Variants in PROK2 observed in about 807,000 individuals in gnomAD.
PROK2 encodes the protein prokineticin 2.
A neutral mutation model predicts 14.2 loss-of-function variants in PROK2; 8 were observed. That is an observed-to-expected ratio of 0.56 (90% CI 0.33 to 1.02). PROK2 has a LOEUF of 1.02. PROK2 is among the 50% of genes least tolerant of loss of function. The pLI, the probability that PROK2 is intolerant of heterozygous loss-of-function variation, is 0.03. For synonymous variants in PROK2, 59 were observed against 60.7 expected, an observed-to-expected ratio of 0.97 and a Z score of 0.13; for missense variants, 154 against 160.4, an observed-to-expected ratio of 0.96 and a Z score of 0.22.
chr3:71,778,425 C>T (rs921290704), intron 2 of PROK2, among the ~76,000 whole-genome samples: 2 of 151,930 alleles, frequency 1.3e-5, no homozygotes, highest in Non-Finnish European at 2.9e-5. Flanking sequence ...GTAAACTGTA[C>T]AAGTTAATTG....
At chr3:71,783,790 C>A (rs7635127) in intron 1 of PROK2, among the ~76,000 whole-genome samples, 2,196 of 152,242 alleles carry the variant, frequency 0.014, 51 homozygotes, top group African/African-American at 0.05. Context: ...CAAAGCTATG[C>A]AAGTAATTTT....
chr3:71,775,972 G>A (rs1025543838), intron 2 of PROK2, among the ~76,000 whole-genome samples: 4 of 152,122 alleles, frequency 2.6e-5, no homozygotes, highest in Admixed American at 6.5e-5. Flanking sequence ...GCTCCGAGCA[G>A]GCAAAACGTA....
chr3:71,774,006 T>C (rs2050100049), intron 3 of PROK2, among the ~76,000 whole-genome samples: 1 of 152,182 alleles, frequency 6.6e-6, no homozygotes, highest in Non-Finnish European at 1.5e-5. Context: ...GGAGCGTCTG[T>C]GAAATCAGAT....
At chr3:71,772,893 C>G in intron 3 of PROK2, 65 bp from the exon 4 acceptor site, 1 of 1,343,284 alleles carries the variant, frequency 7.4e-7, no homozygotes, top group Non-Finnish European at 1.1e-6. Context: ...CCAAATCATT[C>G]TTGAGATAGC....
At position 71,784,994 on chromosome 3, in the gene PROK2, A is replaced by G; in HGVS notation, c.59T>C (p.Leu20Pro). ...LLLLLLPPLL[L>P]TPRAGDAAVI... The stretch of plus-strand genomic sequence containing the variant: ...GGCGGCGTCCCCAGCGCGGGGCGTG[A>G]GCAGCAGCGGCGGCAGCAGCAAGAG... Residue 20 changes from leucine (L) to proline (P), a missense_variant, in exon 1 of 4, where the codon CTC (leucine) becomes CCC (proline). Leu to Pro is a moderately conservative substitution (Grantham distance 98). Coordinates refer to ENST00000295619, the MANE Select transcript of PROK2 (RefSeq NM_001126128.2). 1 of 1,249,350 alleles carries G rather than the reference A, an allele frequency of 8.0e-7. No individual in the cohort carries two copies. The highest frequency in any genetic ancestry group is 1.0e-6 in the Non-Finnish European group (1 of 994,412). The allele number at this position is 1,249,350 out of a possible 1,614,324, so 77.4% of individuals were successfully genotyped here. A position where few individuals can be genotyped will look rare whatever the true frequency, so the allele number is the denominator to read the frequency against.
At chr3:71,772,947 C>A in intron 3 of PROK2, 119 bp from the exon 4 acceptor site, 1 of 798,472 alleles carries the variant, frequency 1.3e-6, no homozygotes, top group South Asian at 1.5e-5. Context: ...GTTAACTACC[C>A]ATTAGGCAAT....
At chr3:71,781,340 T>C in intron 2 of PROK2, 127 bp downstream of exon 2, 1 of 1,250,284 alleles carries the variant, frequency 8.0e-7, no homozygotes, top group South Asian at 1.2e-5. Context: ...TTTTACACTG[T>C]TATCCTTGCT....
intron 2 of PROK2, 127 bp from the exon 3 acceptor site, chr3:71,774,634 T>C: frequency 1.5e-6 from 2 of 1,293,216 alleles, no homozygotes; most frequent in Non-Finnish European, 2.1e-6. Context: ...CCAGTTCCTC[T>C]GTCCTTTTGC....
intron 2 of PROK2, among the ~76,000 whole-genome samples, chr3:71,775,572 T>C (rs1400539247): frequency 6.6e-6 from 1 of 152,224 alleles, no homozygotes; most frequent in Non-Finnish European, 1.5e-5. Flanking sequence ...AGGCATCATG[T>C]ATGAATGTCA....
At chr3:71,784,626 A>C (rs138563900) in intron 1 of PROK2, among the ~76,000 whole-genome samples, 1 of 152,348 alleles carries the variant, frequency 6.6e-6, no homozygotes, top group Non-Finnish European at 1.5e-5. Flanking sequence ...GAAGACTCAG[A>C]GAGAAACTTC....
intron 1 of PROK2, among the ~76,000 whole-genome samples, chr3:71,783,599 T>C (rs2050187159): frequency 6.6e-6 from 1 of 152,222 alleles, no homozygotes; most frequent in African/African-American, 2.4e-5. Context: ...TCTATTCAGA[T>C]AGTGTTGTCC....
intron 1 of PROK2, 75 bp downstream of exon 1, chr3:71,784,882 G>A (rs2050199633): frequency 8.6e-7 from 1 of 1,167,968 alleles, no homozygotes; most frequent in Admixed American, 4.3e-5. Flanking sequence ...CTGCCCTTCA[G>A]GGTCCCCGTC....
chr3:71,775,014 A>G (rs968338060), intron 2 of PROK2, among the ~76,000 whole-genome samples: 1 of 152,158 alleles, frequency 6.6e-6, no homozygotes, highest in East Asian at 1.9e-4. Flanking sequence ...ATTTGTCACA[A>G]CTAAGGGCAG....
In PROK2 at chr3:71,781,462, C is replaced by T; in HGVS notation, c.222+5G>A. ...CACCATGAATACAAATATATATATA[C>T]TAACTTTACGAGTCAGTGGATGGCA... On this transcript the variant is annotated splice_donor_5th_base_variant and intron_variant, in intron 2 of 3. Transcript: ENST00000295619. 1 of 1,613,950 alleles carries T rather than the reference C, an allele frequency of 6.2e-7. No homozygotes were observed. The highest frequency in any genetic ancestry group is 8.5e-7 in the Non-Finnish European group (1 of 1,179,868).
chr3:71,779,086 T>A (rs897195884), intron 2 of PROK2, among the ~76,000 whole-genome samples: 10 of 152,240 alleles, frequency 6.6e-5, no homozygotes, highest in African/African-American at 2.2e-4. Flanking sequence ...GGAAATAGAA[T>A]TCGGTTCTCT....
chr3:71,783,251 C>A (rs893288542), intron 1 of PROK2, among the ~76,000 whole-genome samples: 2 of 152,166 alleles, frequency 1.3e-5, no homozygotes, highest in African/African-American at 4.8e-5. Flanking sequence ...ACATGCTATA[C>A]ACAATGTATC....
At position 71,772,628 on chromosome 3, in the gene PROK2, C is replaced by T; in HGVS notation, c.*96G>A. ...ACTTGGAAAGTTGAGGAAGCAAGAG[C>T]ATTTCTTTCTGGCACATTTTTTGTT... On this transcript the variant is annotated 3_prime_UTR_variant, in exon 4 of 4. Coordinates refer to ENST00000295619, the MANE Select transcript of PROK2 (RefSeq NM_001126128.2). 1 of 1,026,732 alleles carries T rather than the reference C, an allele frequency of 9.7e-7. No individual in the cohort carries two copies. Among genetic ancestry groups the T allele is most frequent in the Non-Finnish European group, 1.5e-6 (1 of 653,046 alleles). The allele number at this position is 1,026,732 out of a possible 1,614,324, so 63.6% of individuals were successfully genotyped here.
rs2108200523 is a variant in PROK2, at chr3:71,785,114, G to T, written c.-62C>A. On this transcript the variant is annotated 5_prime_UTR_variant, in exon 1 of 4. Transcript: ENST00000295619. ...GGGGGCGCGGGGCCCGGGTGCGCTG[G>T]GTGGAGCGCGGAGCGGCGGGCGGAC... 2 of 1,089,866 alleles carry T rather than the reference G, an allele frequency of 1.8e-6. No homozygotes were observed. Among genetic ancestry groups the T allele is most frequent in the South Asian group, 4.6e-5 (1 of 21,618 alleles). 67.5% of individuals were successfully genotyped at this position (1,089,866 alleles called of 1,614,324 possible).
intron 1 of PROK2, among the ~76,000 whole-genome samples, chr3:71,784,602 C>T (rs2050196267): frequency 6.6e-6 from 1 of 152,130 alleles, no homozygotes; most frequent in African/African-American, 2.4e-5. Flanking sequence ...TGGAGAGCCT[C>T]CAAAAGTACT....
Sources: allele counts gnomAD v4.1 joint callset (sites outside exome capture counted in the v4.1 genomes callset), GRCh38; gene constraint gnomAD v4.1.1; transcripts MANE v1.5; gene names NCBI Gene and HGNC (gene_info 2026-07-23, HGNC 2026-07-21).